The following PHLPP2 variants were observed in gnomAD, a reference collection of about 807,000 sequenced individuals.
The protein encoded by PHLPP2 is PH domain leucine-rich repeat-containing protein phosphatase 2.
In PHLPP2, 66 loss-of-function variants were observed where a neutral mutation model predicts 124.9. That is an observed-to-expected ratio of 0.53 (90% CI 0.43 to 0.65). The LOEUF is 0.65. Ranked by LOEUF, PHLPP2 falls within the 30% of genes least tolerant of loss-of-function variation. The pLI is 0.00. For missense variants in PHLPP2, 1,685 were observed against 1,600.4 expected (o/e 1.05, Z -0.90); for synonymous variants, 681 against 624.7 (o/e 1.09, Z -1.34).
intron 2 of PHLPP2, among the ~76,000 whole-genome samples, chr16:71,706,229 T>G (rs917876201): frequency 6.6e-6 from 1 of 152,162 alleles, no homozygotes; most frequent in Non-Finnish European, 1.5e-5. Context: ...TCCATGTAAA[T>G]TTGAATATAT....
At chr16:71,687,919 T>C (rs2145350014) in intron 4 of PHLPP2, among the ~76,000 whole-genome samples, 1 of 152,322 alleles carries the variant, frequency 6.6e-6, no homozygotes, top group South Asian at 2.1e-4. Context: ...AATTCTTCAG[T>C]ACATCAGTTA....
At chr16:71,691,923 C>T (rs2045117366) in intron 3 of PHLPP2, among the ~76,000 whole-genome samples, 1 of 151,756 alleles carries the variant, frequency 6.6e-6, no homozygotes, top group African/African-American at 2.4e-5. Flanking sequence ...TAGTAAGACC[C>T]TGTGTCTTAA....
chr16:71,679,384 C>CAA lies in PHLPP2; in HGVS notation c.1037+4_1037+5insTT. On this transcript the variant is annotated splice_donor_region_variant and intron_variant, in intron 7 of 18. Transcript: ENST00000568954. ...GAAAAGAGGAATCTAGTAAAAGTTACTTACTTTAGCAGATTGCCAATTTGA... is the reference window on the plus strand; with the variant it reads ...GAAAAGAGGAATCTAGTAAAAGTTACAATTACTTTAGCAGATTGCCAATTTGA... 6.2e-7 allele frequency: 1 copy of CAA among 1,613,026 alleles called. No individual in the cohort carries two copies. The highest frequency in any genetic ancestry group is 8.5e-7 in the Non-Finnish European group (1 of 1,179,068).
intron 13 of PHLPP2, among the ~76,000 whole-genome samples, chr16:71,661,299 G>C (rs578200831): frequency 2.8e-4 from 42 of 151,968 alleles, no homozygotes; most frequent in Admixed American, 1.6e-3. Flanking sequence ...TTAAACTCCT[G>C]ATCTCACGTG....
rs756642820 is a variant in PHLPP2, at chr16:71,719,964, A to ATTTTTTTTT, written c.-7+4356_-7+4364dup. Among the ~76,000 whole-genome samples the ATTTTTTTTT allele has an allele frequency of 2.5e-3, 134 of 53,250 alleles. 18 individuals carry two copies. Among genetic ancestry groups the ATTTTTTTTT allele is most frequent in the African/African-American group, 9.1e-3 (109 of 11,984 alleles). 34.9% of individuals were successfully genotyped at this position (53,250 alleles called of 152,430 possible). On this transcript the variant is annotated intron_variant, in intron 1 of 18. Coordinates refer to ENST00000568954, the MANE Select transcript of PHLPP2 (RefSeq NM_015020.3). ...AGGTGCACAACACCATGCCCAGCTAATTTTTTTTTTTTTTTTTTTTTTTTG... is the reference window on the plus strand; with the variant it reads ...AGGTGCACAACACCATGCCCAGCTAATTTTTTTTTTTTTTTTTTTTTTTTTTTTTTTTTG...
At chr16:71,695,852 G>A (rs969546586) in intron 3 of PHLPP2, among the ~76,000 whole-genome samples, 1 of 151,982 alleles carries the variant, frequency 6.6e-6, no homozygotes, top group Non-Finnish European at 1.5e-5. Context: ...AAATCCATAT[G>A]GTTCTATGAA....
At chr16:71,657,453 GGCGTGATCTCTGCTCATTACAAGCTCC>G (rs1473272368) in intron 15 of PHLPP2, among the ~76,000 whole-genome samples, 7 of 150,714 alleles carry the variant, frequency 4.6e-5, no homozygotes, top group African/African-American at 1.7e-4. Flanking sequence ...GGAGTGCAGT[GGCGTGATCTCTGCTCATTACAAGCTCC>G]GCCTCCCGGG....
chr16:71,708,640 G>C (rs1389061552), intron 2 of PHLPP2, among the ~76,000 whole-genome samples: 1 of 152,156 alleles, frequency 6.6e-6, no homozygotes, highest in Non-Finnish European at 1.5e-5. Flanking sequence ...ACAAAAATTA[G>C]CTGCGCCTGG....
At chr16:71,663,295 T>C (rs2145317771) in intron 13 of PHLPP2, among the ~76,000 whole-genome samples, 1 of 152,282 alleles carries the variant, frequency 6.6e-6, no homozygotes, top group East Asian at 1.9e-4. Context: ...GTAGTTTTAG[T>C]AGAGATGGGG....
At chr16:71,678,104 G>A (rs1303832196) in intron 8 of PHLPP2, 1 of 152,116 alleles carries the variant, frequency 6.6e-6, no homozygotes, top group Non-Finnish European at 1.5e-5. Context: ...CAAGGCAGGA[G>A]GATTACTTGA....
chr16:71,671,437 G>A (rs1310461814), intron 10 of PHLPP2, among the ~76,000 whole-genome samples: 5 of 151,858 alleles, frequency 3.3e-5, no homozygotes, highest in Non-Finnish European at 7.4e-5. Context: ...ATGCTGCCCT[G>A]TCACTGCTTG....
At chr16:71,682,656 T>A (rs1286719716) in intron 5 of PHLPP2, among the ~76,000 whole-genome samples, 1 of 152,094 alleles carries the variant, frequency 6.6e-6, no homozygotes, top group Admixed American at 6.6e-5. Flanking sequence ...CTGCTAAACA[T>A]GCAAAAGACA....
At chr16:71,710,221 C>A (rs1336614788) in intron 2 of PHLPP2, among the ~76,000 whole-genome samples, 1 of 152,090 alleles carries the variant, frequency 6.6e-6, no homozygotes, top group South Asian at 2.1e-4. Flanking sequence ...GTTATGACAA[C>A]CAAAAAACCC....
intron 1 of PHLPP2, 31 bp from the exon 2 acceptor site, chr16:71,714,832 G>C: frequency 1.9e-6 from 3 of 1,589,294 alleles, no homozygotes; most frequent in African/African-American, 2.7e-5. Flanking sequence ...GAAATCGTTA[G>C]CTAGAACATC....
intron 4 of PHLPP2, among the ~76,000 whole-genome samples, chr16:71,684,870 A>C (rs2045038989): frequency 1.3e-5 from 2 of 152,008 alleles, no homozygotes; most frequent in Admixed American, 1.3e-4. Flanking sequence ...GCAGGTCAGG[A>C]AGCAGGATAC....
chr16:71,677,306 G>C (rs547053965), intron 8 of PHLPP2: 1 of 153,322 alleles, frequency 6.5e-6, no homozygotes, highest in Admixed American at 6.5e-5. Flanking sequence ...ACAACCTTTT[G>C]AGTCAGTGAG....
At chr16:71,701,402 T>C (rs2045232570) in intron 3 of PHLPP2, among the ~76,000 whole-genome samples, 3 of 152,170 alleles carry the variant, frequency 2.0e-5, no homozygotes, top group Admixed American at 1.3e-4. Context: ...TTATTAACTT[T>C]AAGTTTCATC....
At chr16:71,678,286 T>C (rs946712856) in intron 8 of PHLPP2, 11 of 156,482 alleles carry the variant, frequency 7.0e-5, no homozygotes, top group African/African-American at 2.7e-4. Context: ...ATCTCTCTGC[T>C]ACTGAGTGAT....
In PHLPP2 at chr16:71,715,823, CAA is replaced by C. The variant is rs71153656; in HGVS notation, c.-6-1024_-6-1023del. ...TAAAGCCCCATCTCCACTAAAAATACAAAAAAAAAAAAAAAACAAAAAATTAG... is the reference window on the plus strand; with the variant it reads ...TAAAGCCCCATCTCCACTAAAAATACAAAAAAAAAAAAAACAAAAAATTAG... On this transcript the variant is annotated intron_variant, in intron 1 of 18. Coordinates refer to ENST00000568954, the MANE Select transcript of PHLPP2 (RefSeq NM_015020.3). Among the ~76,000 whole-genome samples the C allele has an allele frequency of 4.3e-3, 481 of 113,076 alleles. 4 individuals are homozygous for C. The highest frequency in any genetic ancestry group is 0.014 in the African/African-American group (420 of 30,224). The allele number at this position is 113,076 out of a possible 152,430, so 74.2% of individuals were successfully genotyped here. A position where few individuals can be genotyped will look rare whatever the true frequency, so the allele number is the denominator to read the frequency against.
Sources: allele counts gnomAD v4.1 joint callset (sites outside exome capture counted in the v4.1 genomes callset), GRCh38; gene constraint gnomAD v4.1.1; transcripts MANE v1.5; gene names NCBI Gene and HGNC (gene_info 2026-07-23, HGNC 2026-07-21).